The following SOX6 variants were observed in gnomAD, a reference collection of about 807,000 sequenced individuals.
SOX6 encodes the protein transcription factor SOX-6.
Under a neutral mutation model 97.8 loss-of-function variants are expected in SOX6, and 11 were observed. The observed-to-expected ratio is 0.11, with a 90% CI of 0.07 to 0.19. The LOEUF is 0.19. Among genes scored for constraint, SOX6 ranks in the 10% least tolerant of loss-of-function variants. The pLI is 1.00. For synonymous variants in SOX6, 360 were observed against 371.4 expected (o/e 0.97, Z 0.35); for missense variants, 810 against 1,039.5 (o/e 0.78, Z 3.04).
chr11:16,431,471 G>T (rs982381127), intron 1 of SOX6, among the ~76,000 whole-genome samples: 7 of 151,970 alleles, frequency 4.6e-5, no homozygotes, highest in Non-Finnish European at 4.4e-5. Flanking sequence ...TTGAAGTTCT[G>T]GTCATCTCAT....
rs1279431995 is a variant in SOX6 at position 16,186,439 on chromosome 11, T to C, written c.708+344A>G. 2.0e-5 allele frequency among the ~76,000 whole-genome samples: 3 copies of C among 152,010 alleles called. No homozygotes were observed. In the East Asian group the frequency reaches 5.8e-4, roughly 29 times the overall value. On this transcript the variant is annotated intron_variant, in intron 5 of 15. Transcript: ENST00000683767. ...GAACCCCCTTTTTCTGGGAGGAAAA[T>C]AAGGCCCAGAGAAAAGTCACTTACT...
At chr11:16,170,498 T>G (rs1851009827) in intron 6 of SOX6, among the ~76,000 whole-genome samples, 1 of 152,062 alleles carries the variant, frequency 6.6e-6, no homozygotes, top group Non-Finnish European at 1.5e-5. Flanking sequence ...CAGATATCTT[T>G]CCCACATTTT....
intron 4 of SOX6, among the ~76,000 whole-genome samples, chr11:16,216,678 C>A (rs1852383433): frequency 6.6e-6 from 1 of 151,856 alleles, no homozygotes; most frequent in Non-Finnish European, 1.5e-5. Context: ...ATCATCACTT[C>A]TTATTCATTT....
intron 3 of SOX6, among the ~76,000 whole-genome samples, chr11:16,710,860 A>C (rs1296615240): frequency 6.6e-6 from 1 of 152,158 alleles, no homozygotes; most frequent in Non-Finnish European, 1.5e-5. Context: ...TTATAAATTT[A>C]ATGTGTCCAG....
intron 6 of SOX6, among the ~76,000 whole-genome samples, chr11:16,152,011 T>C (rs946024902): frequency 2.0e-5 from 3 of 152,184 alleles, no homozygotes; most frequent in South Asian, 2.1e-4. Context: ...ATTTATGACA[T>C]AATAAGTTGT....
At chr11:16,128,840 C>T (rs543893604) in intron 6 of SOX6, among the ~76,000 whole-genome samples, 2 of 151,942 alleles carry the variant, frequency 1.3e-5, no homozygotes, top group African/African-American at 4.8e-5. Context: ...TTTTTATTTC[C>T]CAGTTTTCTT....
At chr11:16,238,368 C>A (rs1344213605) in intron 3 of SOX6, among the ~76,000 whole-genome samples, 3 of 151,976 alleles carry the variant, frequency 2.0e-5, no homozygotes. Flanking sequence ...TAATAAATTA[C>A]AAAGCAATGT....
intron 13 of SOX6, among the ~76,000 whole-genome samples, chr11:15,995,247 C>T (rs2119841353): frequency 6.6e-6 from 1 of 152,266 alleles, no homozygotes; most frequent in East Asian, 1.9e-4. Flanking sequence ...AATTCATAAA[C>T]ACCTTGGGCT....
chr11:16,542,898 G>A (rs2133178834), intron 4 of SOX6, among the ~76,000 whole-genome samples: 1 of 152,194 alleles, frequency 6.6e-6, no homozygotes, highest in East Asian at 1.9e-4. Flanking sequence ...TCAGGGACCA[G>A]TAATTGGTAA....
At chr11:16,402,886 G>T in intron 1 of SOX6, 1 of 1,509,738 alleles carries the variant, frequency 6.6e-7, no homozygotes, top group Non-Finnish European at 9.0e-7. Context: ...ACTCAGTTGG[G>T]CTGAATTCCA....
At chr11:16,704,304 C>T (rs1368880578) in intron 3 of SOX6, among the ~76,000 whole-genome samples, 1 of 152,060 alleles carries the variant, frequency 6.6e-6, no homozygotes, top group Non-Finnish European at 1.5e-5. Context: ...ACAAATAAGA[C>T]AAGTTCCCTA....
chr11:16,075,523 G>A (rs1221022867), intron 9 of SOX6, among the ~76,000 whole-genome samples: 3 of 152,134 alleles, frequency 2.0e-5, no homozygotes, highest in African/African-American at 4.8e-5. Flanking sequence ...GGATGAAGCT[G>A]GAAACCATCA....
intron 3 of SOX6, among the ~76,000 whole-genome samples, chr11:16,637,610 G>T (rs1848810153): frequency 6.6e-6 from 1 of 152,112 alleles, no homozygotes; most frequent in South Asian, 2.1e-4. Context: ...GTTGATTAGG[G>T]TAAATGATTG....
At chr11:16,640,287 T>C (rs192380102) in intron 3 of SOX6, among the ~76,000 whole-genome samples, 1,706 of 152,326 alleles carry the variant, frequency 0.011, 24 homozygotes, top group African/African-American at 0.039. Flanking sequence ...ATAAGCTTTT[T>C]GATGTGCTGC....
At chr11:16,335,545 C>G (rs183600612) in intron 2 of SOX6, among the ~76,000 whole-genome samples, 1 of 152,244 alleles carries the variant, frequency 6.6e-6, no homozygotes. Flanking sequence ...CATTTTGGTG[C>G]TGCCTACTAT....
At chr11:16,032,071 C>A (rs536815915) in intron 12 of SOX6, among the ~76,000 whole-genome samples, 2 of 152,238 alleles carry the variant, frequency 1.3e-5, no homozygotes, top group African/African-American at 4.8e-5. Flanking sequence ...AATAAATTTT[C>A]ATCTCCGTAA....
chr11:16,616,809 TA>T (rs964019846), intron 3 of SOX6, among the ~76,000 whole-genome samples: 9 of 151,996 alleles, frequency 5.9e-5, no homozygotes, highest in Admixed American at 2.0e-4. Flanking sequence ...TATACATTTC[TA>T]AAAATAAGTT....
chr11:15,998,557 A>T (rs1854302447), intron 13 of SOX6, among the ~76,000 whole-genome samples: 1 of 151,974 alleles, frequency 6.6e-6, no homozygotes, highest in Non-Finnish European at 1.5e-5. Context: ...GTTTTTTCAT[A>T]TAAGGTGACA....
intron 3 of SOX6, among the ~76,000 whole-genome samples, chr11:16,262,087 C>A (rs186940035): frequency 6.6e-6 from 1 of 152,142 alleles, no homozygotes; most frequent in African/African-American, 2.4e-5. Flanking sequence ...TGATGTTCTT[C>A]TTAATCCTCT....
Sources: gnomAD v4.1 joint callset for allele counts (sites outside exome capture counted in the v4.1 genomes callset) on GRCh38, gnomAD v4.1.1 for gene constraint, MANE v1.5 for transcripts, NCBI Gene and HGNC (gene_info 2026-07-23, HGNC 2026-07-21) for gene names.